ZNF469: variants seen among roughly 807,000 people sequenced by gnomAD.
ZNF469 encodes the protein zinc finger protein 469.
A neutral mutation model predicts 1.0 loss-of-function variants in ZNF469; 1 was observed. The observed-to-expected ratio is 1.00, with a 90% CI of 0.35 to 4.73. The LOEUF (loss-of-function observed/expected upper bound fraction) is 4.73, where lower values mean the gene tolerates loss of function less well. Ranked by LOEUF, ZNF469 falls within the 30% of genes most tolerant of loss-of-function variation. The pLI, the probability that ZNF469 is intolerant of heterozygous loss-of-function variation, is 0.16. For synonymous variants in ZNF469, 2,703 were observed against 2,363.4 expected (o/e 1.14, Z -4.17); for missense variants, 6,100 against 5,356.3 (o/e 1.14, Z -4.33).
the ZNF469 span, among the ~76,000 whole-genome samples, chr16:88,155,795 G>A: frequency 6.6e-6 from 1 of 152,342 alleles, no homozygotes; most frequent in African/African-American, 2.4e-5. Flanking sequence ...ATCGGCTTTT[G>A]GTTCTTGGGT....
At chr16:88,347,907 C>A in the ZNF469 span, among the ~76,000 whole-genome samples, 1 of 152,222 alleles carries the variant, frequency 6.6e-6, no homozygotes, top group African/African-American at 2.4e-5. Flanking sequence ...GCCCCATGAC[C>A]CCTGAGGAGG....
At chr16:88,274,337 G>A in the ZNF469 span, among the ~76,000 whole-genome samples, 47 of 152,354 alleles carry the variant, frequency 3.1e-4, no homozygotes, top group Admixed American at 1.1e-3. Context: ...GGTGGTGATT[G>A]CACAATGCCG....
the ZNF469 span, among the ~76,000 whole-genome samples, chr16:88,141,821 GA>G: frequency 4.6e-5 from 7 of 152,242 alleles, no homozygotes; most frequent in Admixed American, 4.6e-4. Flanking sequence ...GAAGCCTCTG[GA>G]AGCCAGAAAA....
At chr16:88,157,698 C>T in the ZNF469 span, among the ~76,000 whole-genome samples, 1,089 of 152,320 alleles carry the variant, frequency 7.1e-3, 25 homozygotes, top group Admixed American at 0.044. Flanking sequence ...AAATGCCCAG[C>T]TCCCCGCTCC....
chr16:88,156,984 T>C, the ZNF469 span, among the ~76,000 whole-genome samples: 437 of 152,322 alleles, frequency 2.9e-3, 3 homozygotes, highest in African/African-American at 0.01. Flanking sequence ...TAACAAAGCC[T>C]CGAAGAAAAC....
chr16:88,148,354 G>A, the ZNF469 span, among the ~76,000 whole-genome samples: 2 of 152,312 alleles, frequency 1.3e-5, no homozygotes, highest in East Asian at 1.9e-4. Context: ...CCACACAAGA[G>A]GATGCCCTGC....
At position 88,429,204 on chromosome 16, in the gene ZNF469, G is replaced by A; in HGVS notation, c.1734G>A (p.Leu578=). The A allele has an allele frequency of 1.3e-6, 2 of 1,549,816 alleles. No individual in the cohort carries two copies. The highest frequency in any genetic ancestry group is 1.2e-5 in the South Asian group (1 of 84,050). The change falls in exon 3 of 3, where the codon CTG becomes CTA. Residue 578 remains leucine, a synonymous_variant. Coordinates refer to ENST00000565624, the MANE Select transcript of ZNF469 (RefSeq NM_001367624.2). The part of the protein sequence containing the change: ...PQVSPHGTPS[L]PPPRVVGASP... The stretch of plus-strand genomic sequence containing the variant: ...TTTCACCCCACGGGACACCCAGCCT[G>A]CCCCCACCGAGGGTAGTGGGAGCCT...
At chr16:88,408,938 T>C (rs566728461) in intron 1 of ZNF469, among the ~76,000 whole-genome samples, 5 of 152,352 alleles carry the variant, frequency 3.3e-5, no homozygotes, top group Admixed American at 6.5e-5. Flanking sequence ...GGGAGGGGCT[T>C]TCTGCTGTAT....
At chr16:88,400,329 C>T (rs1390478069) in intron 1 of ZNF469, among the ~76,000 whole-genome samples, 2 of 151,936 alleles carry the variant, frequency 1.3e-5, no homozygotes, top group East Asian at 3.9e-4. Flanking sequence ...CCAGGCCTGG[C>T]AGCTTGAAGC....
the ZNF469 span, among the ~76,000 whole-genome samples, chr16:88,306,712 G>A: frequency 5.9e-3 from 895 of 152,294 alleles, 7 homozygotes; most frequent in African/African-American, 0.02. Flanking sequence ...ACCCTGACCA[G>A]CACCAGGGTC....
chr16:88,197,260 C>T, the ZNF469 span, among the ~76,000 whole-genome samples: 31 of 152,278 alleles, frequency 2.0e-4, no homozygotes, highest in East Asian at 4.8e-3. Context: ...AGGAAGAAGC[C>T]AGTGGCACGG....
the ZNF469 span, among the ~76,000 whole-genome samples, chr16:88,133,498 G>T: frequency 6.6e-6 from 1 of 151,990 alleles, no homozygotes; most frequent in African/African-American, 2.4e-5. Flanking sequence ...GATTCTCACA[G>T]GAAGATTTAA....
chr16:88,327,311 G>T, the ZNF469 span, among the ~76,000 whole-genome samples: 64,091 of 152,032 alleles, frequency 0.42, 14,226 homozygotes, highest in Middle Eastern at 0.56. Flanking sequence ...CCCCCGCCTC[G>T]CCACGCTGGT....
chr16:88,192,897 G>C, the ZNF469 span, among the ~76,000 whole-genome samples: 2 of 148,276 alleles, frequency 1.3e-5, no homozygotes, highest in African/African-American at 5.1e-5. Flanking sequence ...TGGTGGTGAT[G>C]GTGGTGATGA....
chr16:88,306,608 C>T, the ZNF469 span, among the ~76,000 whole-genome samples: 1 of 152,192 alleles, frequency 6.6e-6, no homozygotes, highest in Non-Finnish European at 1.5e-5. Flanking sequence ...AGCCCCATGA[C>T]TAGCCTGAAG....
chr16:88,365,208 G>A, the ZNF469 span, among the ~76,000 whole-genome samples: 1 of 152,190 alleles, frequency 6.6e-6, no homozygotes, highest in East Asian at 1.9e-4. Flanking sequence ...CTGTCTGCAG[G>A]ATGGAAGCTA....
At chr16:88,111,475 A>C in the ZNF469 span, among the ~76,000 whole-genome samples, 2 of 150,762 alleles carry the variant, frequency 1.3e-5, no homozygotes, top group Non-Finnish European at 2.9e-5. Context: ...TGTACTATCA[A>C]ATAATAGGTC....
rs1906479351 is a variant in ZNF469, at chr16:88,435,135, C to G, written c.7665C>G (p.Ala2555=). 2 of 1,550,402 alleles carry G rather than the reference C, an allele frequency of 1.3e-6. No individual in the cohort carries two copies. Among genetic ancestry groups the G allele is most frequent in the South Asian group, 2.4e-5 (2 of 84,060 alleles). ...GCCACGTCACCCAGCCACCGCCTGCCCAGGGCTCAAAGGAGGTTCTCAGAG... is the reference window on the plus strand; with the variant it reads ...GCCACGTCACCCAGCCACCGCCTGCGCAGGGCTCAAAGGAGGTTCTCAGAG... ...DPSHVTQPPP[A]QGSKEVLRAP... Residue 2555 remains alanine, a synonymous_variant, in exon 3 of 3, where the codon GCC becomes GCG. Transcript: ENST00000565624.
chr16:88,430,532 A>C lies in ZNF469; in HGVS notation c.3062A>C (p.Glu1021Ala), dbSNP rs1906080571. The change falls in exon 3 of 3, where the codon GAG becomes GCG. Residue 1021 changes from glutamate (E) to alanine (A), a missense_variant. Coordinates refer to ENST00000565624, the MANE Select transcript of ZNF469 (RefSeq NM_001367624.2). ...CCGAGAGCCGCCGCCCTCCCCGAGGAGACCCGCAGCTCCCGGCGCCGCCGG... is the reference window on the plus strand; with the variant it reads ...CCGAGAGCCGCCGCCCTCCCCGAGGCGACCCGCAGCTCCCGGCGCCGCCGG... ...RVPRAAALPE[E>A]TRSSRRRRLP... 1 of 1,458,720 alleles carries C rather than the reference A, an allele frequency of 6.9e-7. No homozygotes were observed. Among genetic ancestry groups the C allele is most frequent in the Non-Finnish European group, 9.0e-7 (1 of 1,113,854 alleles). The allele number at this position is 1,458,720 out of a possible 1,614,324, so 90.4% of individuals were successfully genotyped here. A position where few individuals can be genotyped will look rare whatever the true frequency, so the allele number is the denominator to read the frequency against.
Sources: allele counts gnomAD v4.1 joint callset (sites outside exome capture counted in the v4.1 genomes callset), GRCh38; gene constraint gnomAD v4.1.1; transcripts MANE v1.5; gene names NCBI Gene and HGNC (gene_info 2026-07-23, HGNC 2026-07-21).